DIPK2B: variants seen among roughly 807,000 people sequenced by gnomAD.
The protein encoded by DIPK2B is UPF0672 protein CXorf36.
DIPK2B carries 15 observed loss-of-function variants against 22.2 expected under a neutral mutation model. The observed-to-expected ratio is 0.68, with a 90% CI of 0.45 to 1.04. DIPK2B has a LOEUF of 1.04. DIPK2B is among the 50% of genes least tolerant of loss of function. The pLI, the probability that DIPK2B is intolerant of heterozygous loss-of-function variation, is 0.00. For synonymous variants in DIPK2B, 163 were observed against 153.2 expected (o/e 1.06, Z -0.47); for missense variants, 345 against 348.3 (o/e 0.99, Z 0.08).
At chrX:45,162,945 C>A in intron 2 of DIPK2B, 1 of 754,050 alleles carries the variant, frequency 1.3e-6, no homozygotes, top group South Asian at 6.7e-5. Flanking sequence ...CCTTAACAGT[C>A]TGAAGACGGT....
At chrX:45,153,759 G>A (rs2046974441) in intron 4 of DIPK2B, 151 bp downstream of exon 4, 2 of 465,980 alleles carry the variant, frequency 4.3e-6, no homozygotes, top group Non-Finnish European at 7.2e-6. Context: ...CATTTTACAT[G>A]AAATCTAATA....
intron 2 of DIPK2B, among the ~76,000 whole-genome samples, chrX:45,160,101 G>C (rs1205970692): frequency 3.6e-5 from 4 of 110,084 alleles, no homozygotes; most frequent in African/African-American, 1.3e-4. Flanking sequence ...CTTCTGCCAT[G>C]ATTGTAAGTT....
At position 45,193,029 on chromosome X, in the gene DIPK2B, T is replaced by C. The variant is rs764173581; in HGVS notation, c.234-1014A>G. The stretch of plus-strand genomic sequence containing the variant: ...GCTGGCCTCAGGTGATCCGCCCGCC[T>C]CTACCTCCCAAAGTGTTGGGATTAC... On this transcript the variant is annotated intron_variant, in intron 1 of 4. Transcript: ENST00000398000. Among the ~76,000 whole-genome samples the C allele has an allele frequency of 5.3e-5, 6 of 112,701 alleles. No homozygotes were observed. The South Asian group carries it at 1.1e-3, about 20-fold the overall frequency.
chrX:45,158,752 T>A (rs1413044498), intron 2 of DIPK2B, among the ~76,000 whole-genome samples: 1 of 111,957 alleles, frequency 8.9e-6, no homozygotes, highest in Non-Finnish European at 1.9e-5. Flanking sequence ...TCTCTGTACC[T>A]CCGGTTCCAG....
chrX:45,169,871 T>C (rs989758529), intron 2 of DIPK2B, among the ~76,000 whole-genome samples: 3 of 111,682 alleles, frequency 2.7e-5, no homozygotes, highest in Non-Finnish European at 5.6e-5. Flanking sequence ...TATCAACTTT[T>C]CAGCCATTTG....
chrX:45,153,524 CAGAG>C (rs1200921051), intron 4 of DIPK2B, among the ~76,000 whole-genome samples: 3 of 44,340 alleles, frequency 6.8e-5, no homozygotes, highest in Non-Finnish European at 1.3e-4. Flanking sequence ...GTGTGTGTGA[CAGAG>C]AGAGAGGAGA....
At chrX:45,163,953 G>A (rs1337285704) in intron 2 of DIPK2B, 1 of 940,035 alleles carries the variant, frequency 1.1e-6, no homozygotes, top group East Asian at 4.2e-5. Flanking sequence ...ACCACAGTGT[G>A]GTGGAAAGAG....
intron 2 of DIPK2B, among the ~76,000 whole-genome samples, chrX:45,166,425 C>A (rs959378087): frequency 3.6e-5 from 4 of 110,869 alleles, no homozygotes; most frequent in African/African-American, 1.3e-4. Flanking sequence ...GGAAGGGCAG[C>A]GGGTTAGGAT....
At chrX:45,167,186 T>C (rs2047053180) in intron 2 of DIPK2B, among the ~76,000 whole-genome samples, 1 of 112,190 alleles carries the variant, frequency 8.9e-6, no homozygotes, top group African/African-American at 3.2e-5. Context: ...TTTTTTGGTT[T>C]GTGTCATTAA....
intron 1 of DIPK2B, among the ~76,000 whole-genome samples, chrX:45,192,366 A>C (rs2047217115): frequency 9.0e-6 from 1 of 111,028 alleles, no homozygotes; most frequent in Non-Finnish European, 1.9e-5. Context: ...TCCACTTTAC[A>C]AGGGTGGAAA....
At chrX:45,184,571 C>G (rs925211696) in intron 2 of DIPK2B, among the ~76,000 whole-genome samples, 5 of 111,999 alleles carry the variant, frequency 4.5e-5, no homozygotes, top group African/African-American at 1.6e-4. Flanking sequence ...TTAACCCACA[C>G]AAAAGGTTTA....
chrX:45,173,976 T>C lies in DIPK2B; in HGVS notation c.499-16088A>G, dbSNP rs1234975481. Reference sequence around the variant, plus strand: ...CATGAGGTACTGTCTACCAGGTCCTTTCTGCGGTAGAAGGAAGGGTCTGGG... The same window carrying C: ...CATGAGGTACTGTCTACCAGGTCCTCTCTGCGGTAGAAGGAAGGGTCTGGG... On this transcript the variant is annotated intron_variant, in intron 2 of 4. Transcript: ENST00000398000. Among the ~76,000 whole-genome samples the C allele has an allele frequency of 6.3e-5, 7 of 111,144 alleles. No homozygotes were observed. The East Asian group carries it at 2.0e-3, about 31-fold the overall frequency.
Position 45,198,188 on chromosome X carries a change from C to A in DIPK2B, c.233+2406G>T, listed in dbSNP as rs746511152. 5.5e-4 allele frequency among the ~76,000 whole-genome samples: 61 copies of A among 110,627 alleles called. 1 individual carries two copies. Among genetic ancestry groups the A allele is most frequent in the Admixed American group, 1.8e-3 (19 of 10,491 alleles). ...TAATTCACACTTAGAAAAAGGGTGGCAAGGAAATGCAACAAAATGTTGACT... is the reference window on the plus strand; with the variant it reads ...TAATTCACACTTAGAAAAAGGGTGGAAAGGAAATGCAACAAAATGTTGACT... On this transcript the variant is annotated intron_variant, in intron 1 of 4. Coordinates refer to ENST00000398000, the MANE Select transcript of DIPK2B (RefSeq NM_176819.4).
At chrX:45,162,732 A>C (rs2047028462) in intron 2 of DIPK2B, 8 of 754,118 alleles carry the variant, frequency 1.1e-5, no homozygotes, top group Non-Finnish European at 1.1e-5. Context: ...AAGATAACCA[A>C]ACCCTGGACC....
intron 4 of DIPK2B, 91 bp from the exon 5 acceptor site, chrX:45,152,083 C>G (rs1037675689): frequency 3.5e-6 from 3 of 858,165 alleles, no homozygotes; most frequent in Non-Finnish European, 4.9e-6. Flanking sequence ...TGGGGCCGGG[C>G]GCGGTGGCTC....
intron 4 of DIPK2B, among the ~76,000 whole-genome samples, chrX:45,152,458 A>G (rs1047106261): frequency 9.0e-6 from 1 of 111,574 alleles, no homozygotes; most frequent in African/African-American, 3.3e-5. Flanking sequence ...TTTGAGAACC[A>G]CGTGGAAAGA....
intron 2 of DIPK2B, among the ~76,000 whole-genome samples, chrX:45,166,733 T>C (rs1056344961): frequency 1.8e-5 from 2 of 112,086 alleles, no homozygotes; most frequent in African/African-American, 6.5e-5. Context: ...AACAAGTGTG[T>C]GAAAAAAAGA....
chrX:45,164,384 T>TCTGGAACATGGGA, intron 2 of DIPK2B: 1 of 659,803 alleles, frequency 1.5e-6, no homozygotes, highest in Non-Finnish European at 2.2e-6. Context: ...AATACTCCCA[T>TCTGGAACATGGGA]GTTCCAGTTG....
chrX:45,190,444 G>A (rs895658364), intron 2 of DIPK2B, among the ~76,000 whole-genome samples: 1 of 111,501 alleles, frequency 9.0e-6, no homozygotes, highest in Non-Finnish European at 1.9e-5. Flanking sequence ...CAAGTCAGTA[G>A]TGTGTCCTTT....
Sources: gnomAD v4.1 joint callset for allele counts (sites outside exome capture counted in the v4.1 genomes callset) on GRCh38, gnomAD v4.1.1 for gene constraint, MANE v1.5 for transcripts, NCBI Gene and HGNC (gene_info 2026-07-23, HGNC 2026-07-21) for gene names.